The following PROM1 variants were observed in gnomAD, a reference collection of about 807,000 sequenced individuals.
The protein encoded by PROM1 is prominin-1.
PROM1 carries 105 observed loss-of-function variants against 116.9 expected under a neutral mutation model. That is an observed-to-expected ratio of 0.90 (90% CI 0.77 to 1.06). PROM1 has a LOEUF of 1.06. Among genes scored for constraint, PROM1 ranks in the 50% least tolerant of loss-of-function variants. The probability of loss-of-function intolerance (pLI) is 0.00; values close to 1 mark genes in which losing one functional copy is unlikely to be tolerated. For synonymous variants in PROM1, 393 were observed against 387.0 expected, an observed-to-expected ratio of 1.02 and a Z score of -0.18; for missense variants, 1,122 against 1,045.2, an observed-to-expected ratio of 1.07 and a Z score of -1.01.
In PROM1 at chr4:16,025,267, G is replaced by A; in HGVS notation, c.555C>T (p.Thr185=). 1 of 1,613,872 alleles carries A rather than the reference G, an allele frequency of 6.2e-7. No homozygotes were observed. ...CCAGTTTCCGACTCCTTTTGATCCGGGTTCTTACCTGGTGATTTGCCACAA... is the reference window on the plus strand; with the variant it reads ...CCAGTTTCCGACTCCTTTTGATCCGAGTTCTTACCTGGTGATTTGCCACAA... ...YGFVANHQVR[T]RIKRSRKLAD... is the part of the protein sequence containing the mutation. The change falls in exon 6 of 28, where the codon ACC becomes ACT. Residue 185 remains threonine, a synonymous_variant. Coordinates refer to ENST00000447510, the MANE Select transcript of PROM1 (RefSeq NM_006017.3).
At chr4:16,018,586 C>A in intron 8 of PROM1, 46 bp from the exon 9 acceptor site, 1 of 1,522,938 alleles carries the variant, frequency 6.6e-7, no homozygotes, top group East Asian at 2.4e-5. Context: ...CAAGTCCCTC[C>A]TCATCTACAA....
In PROM1 at chr4:16,013,327, G is replaced by T; in HGVS notation, c.1089C>A (p.Ser363=). 6.2e-7 allele frequency: 1 copy of T among 1,603,150 alleles called. No individual in the cohort carries two copies. Among genetic ancestry groups the T allele is most frequent in the Non-Finnish European group, 8.5e-7 (1 of 1,170,152 alleles). Residue 363 remains serine, a synonymous_variant, in exon 11 of 28, where the codon TCC becomes TCA. Transcript: ENST00000447510. ...GTACTCTGTCAGGTATATCATTAAG[G>T]GATTGATAGCCCTGAAAAATATTTC... ...LDGLVQQGYQ[S]LNDIPDRVQR...
At chr4:16,055,371 TC>T (rs998949345) in intron 2 of PROM1, 2 of 456,210 alleles carry the variant, frequency 4.4e-6, no homozygotes, top group Admixed American at 4.7e-5. Flanking sequence ...CTTTCTGGCT[TC>T]GTTATCCTAC....
chr4:15,980,521 C>A lies in PROM1; in HGVS notation c.2390G>T (p.Gly797Val), dbSNP rs1279014677. 2 of 1,540,448 alleles carry A rather than the reference C, an allele frequency of 1.3e-6. No homozygotes were observed. The highest frequency in any genetic ancestry group is 1.7e-4 in the Middle Eastern group (1 of 5,970). Residue 797 changes from glycine to valine, a missense_variant, in exon 24 of 28, where the codon GGC becomes GTC. Coordinates refer to ENST00000447510, the MANE Select transcript of PROM1 (RefSeq NM_006017.3). ...IIDPLNLFWF[G>V]IGKATVFLLP... Reference sequence around the variant, plus strand: ...TAAAAATACAGTAGCTTTTCCTATGCCAAACCAAAACAAATTCTAGGAAAA... The same window carrying A: ...TAAAAATACAGTAGCTTTTCCTATGACAAACCAAAACAAATTCTAGGAAAA...
intron 11 of PROM1, among the ~76,000 whole-genome samples, chr4:16,009,856 G>T (rs1726441863): frequency 6.6e-6 from 1 of 150,510 alleles, no homozygotes; most frequent in Non-Finnish European, 1.5e-5. Flanking sequence ...ACTTGAACCT[G>T]GGAGGCAGAG....
At chr4:16,025,805 G>C (rs1317441728) in intron 5 of PROM1, among the ~76,000 whole-genome samples, 1 of 152,096 alleles carries the variant, frequency 6.6e-6, no homozygotes, top group East Asian at 1.9e-4. Context: ...AGAGTACTTG[G>C]GCTTCTAAGG....
intron 8 of PROM1, among the ~76,000 whole-genome samples, chr4:16,021,221 T>C (rs1225182742): frequency 6.6e-6 from 1 of 151,044 alleles, no homozygotes; most frequent in Non-Finnish European, 1.5e-5. Flanking sequence ...AGAACTTTAA[T>C]AATAACACAC....
intron 13 of PROM1, among the ~76,000 whole-genome samples, chr4:16,004,916 TTC>T (rs1206666025): frequency 9.9e-6 from 1 of 101,082 alleles, no homozygotes; most frequent in African/African-American, 3.0e-5. Flanking sequence ...CCTTCCTTCC[TTC>T]CTTCCTTCCT....
At chr4:16,007,384 C>T (rs1462927279) in intron 12 of PROM1, among the ~76,000 whole-genome samples, 2 of 152,206 alleles carry the variant, frequency 1.3e-5, no homozygotes, top group African/African-American at 4.8e-5. Flanking sequence ...CAACCTTTCC[C>T]GGCAGCAAGA....
chr4:16,035,688 A>G (rs369597895), intron 4 of PROM1, 47 bp downstream of exon 4: 3 of 1,554,488 alleles, frequency 1.9e-6, no homozygotes, highest in South Asian at 1.1e-5. Context: ...AGTGAAGAAC[A>G]GAAAGGCTTT....
At chr4:16,032,138 C>T (rs925966426) in intron 5 of PROM1, among the ~76,000 whole-genome samples, 15 of 142,938 alleles carry the variant, frequency 1.0e-4, no homozygotes, top group African/African-American at 3.8e-4. Flanking sequence ...GTGCTTGTGT[C>T]TCCTTCCTGA....
intron 2 of PROM1, among the ~76,000 whole-genome samples, chr4:16,072,624 A>G (rs942637349): frequency 1.6e-4 from 25 of 152,214 alleles, no homozygotes; most frequent in African/African-American, 6.0e-4. Flanking sequence ...GACCTTTCCC[A>G]AGACAAACCG....
At chr4:15,985,428 C>T (rs1719095630) in intron 22 of PROM1, 1 of 285,520 alleles carries the variant, frequency 3.5e-6, no homozygotes. Context: ...GAGACCCAGC[C>T]TACAGGACTC....
At chr4:16,025,719 GCACACACACA>G (rs139033375) in intron 5 of PROM1, among the ~76,000 whole-genome samples, 1 of 150,160 alleles carries the variant, frequency 6.7e-6, no homozygotes, top group Non-Finnish European at 1.5e-5. Context: ...ACACACACAC[GCACACACACA>G]CACACACACA....
At chr4:15,974,118 TTCTCTCTC>T (rs35011290) in intron 26 of PROM1, among the ~76,000 whole-genome samples, 35 of 149,474 alleles carry the variant, frequency 2.3e-4, no homozygotes, top group South Asian at 6.4e-4. Context: ...CTCTCTCTCT[TTCTCTCTC>T]TCTCTCTCTC....
At chr4:15,983,348 C>T (rs1485100048) in intron 23 of PROM1, among the ~76,000 whole-genome samples, 2 of 151,976 alleles carry the variant, frequency 1.3e-5, no homozygotes, top group Non-Finnish European at 2.9e-5. Flanking sequence ...TCAAAACAGC[C>T]CATGTAGGCG....
At position 15,989,804 on chromosome 4, in the gene PROM1, G is replaced by T; in HGVS notation, c.2004C>A (p.Asn668Lys). The part of the protein sequence containing the change: ...ANSLPPGNLR[N>K]SLKRDAQTIK... ...TAGTTTGTGCATCTCTTTTCAGGGA[G>T]TTCCTCAAATTTCCTGGGGGCTACA... The change falls in exon 19 of 28, where the codon AAC becomes AAA. Residue 668 changes from asparagine (N) to lysine (K), a missense_variant. Physicochemically the swap from Asn to Lys is moderately conservative, Grantham distance 94. Coordinates refer to ENST00000447510, the MANE Select transcript of PROM1 (RefSeq NM_006017.3). 1 of 1,606,948 alleles carries T rather than the reference G, an allele frequency of 6.2e-7. No individual in the cohort carries two copies. Among genetic ancestry groups the T allele is most frequent in the Non-Finnish European group, 8.5e-7 (1 of 1,176,024 alleles).
At chr4:16,027,262 C>T (rs1560520599) in intron 5 of PROM1, among the ~76,000 whole-genome samples, 1 of 151,232 alleles carries the variant, frequency 6.6e-6, no homozygotes, top group South Asian at 2.1e-4. Flanking sequence ...GGTCAAATGA[C>T]TCAAAATAAT....
At chr4:15,987,318 C>A (rs1267609927) in intron 20 of PROM1, among the ~76,000 whole-genome samples, 1 of 152,150 alleles carries the variant, frequency 6.6e-6, no homozygotes, top group Non-Finnish European at 1.5e-5. Flanking sequence ...GTCAAACCAG[C>A]AGGGAAAATG....
Sources: allele counts gnomAD v4.1 joint callset (sites outside exome capture counted in the v4.1 genomes callset), GRCh38; gene constraint gnomAD v4.1.1; transcripts MANE v1.5; gene names NCBI Gene and HGNC (gene_info 2026-07-23, HGNC 2026-07-21).